Variants in BMP2 observed in about 807,000 individuals in gnomAD.
The protein encoded by BMP2 is bone morphogenetic protein 2A.
BMP2 carries 2 observed loss-of-function variants against 28.8 expected under a neutral mutation model. That is an observed-to-expected ratio of 0.07 (90% confidence interval 0.03 to 0.22). The LOEUF (loss-of-function observed/expected upper bound fraction) is 0.22. Ranked by LOEUF, BMP2 falls within the 10% of genes least tolerant of loss-of-function variation. BMP2 has a pLI of 1.00. For synonymous variants in BMP2, 218 were observed against 204.3 expected (o/e 1.07, Z -0.57); for missense variants, 437 against 517.7 (o/e 0.84, Z 1.51).
In BMP2 at chr20:6,779,310, C is replaced by A; in HGVS notation, c.*221C>A. The A allele has an allele frequency of 5.7e-6, 1 of 175,866 alleles. No homozygotes were observed. The highest frequency in any genetic ancestry group is 1.2e-5 in the Non-Finnish European group (1 of 85,344). The allele number at this position is 175,866 out of a possible 1,614,324, so 10.9% of individuals were successfully genotyped here. A position where few individuals can be genotyped will look rare whatever the true frequency, so the allele number is the denominator to read the frequency against. ...CAAATATTTTAATCAGAGAATTATTCCTTAAAGATTTAAAATGTATTTAGT... is the reference window on the plus strand; with the variant it reads ...CAAATATTTTAATCAGAGAATTATTACTTAAAGATTTAAAATGTATTTAGT... On this transcript the variant is annotated 3_prime_UTR_variant, in exon 3 of 3. Coordinates refer to ENST00000378827, the MANE Select transcript of BMP2 (RefSeq NM_001200.4).
At chr20:6,777,970 A>T (rs897437970) in intron 2 of BMP2, among the ~76,000 whole-genome samples, 1 of 151,970 alleles carries the variant, frequency 6.6e-6, no homozygotes, top group Admixed American at 6.6e-5. Flanking sequence ...TGGAAGCAGT[A>T]TTCATGTATT....
chr20:6,777,384 T>A (rs1299955179), intron 2 of BMP2, among the ~76,000 whole-genome samples: 1 of 152,052 alleles, frequency 6.6e-6, no homozygotes, highest in Non-Finnish European at 1.5e-5. Flanking sequence ...TCCTGCACAC[T>A]ATTACTGGGT....
At position 6,779,126 on chromosome 20, in the gene BMP2, AT is replaced by A; in HGVS notation, c.*38del. 5.0e-6 allele frequency: 5 copies of A among 995,616 alleles called. No individual in the cohort carries two copies. Among genetic ancestry groups the A allele is most frequent in the Non-Finnish European group, 6.4e-6 (5 of 785,560 alleles). The allele number at this position is 995,616 out of a possible 1,614,324, so 61.7% of individuals were successfully genotyped here. ...TAAATACATAAATATATATATATAT[AT>A]ATATTTTAGAAAAAAGAAAAAAACA... On this transcript the variant is annotated 3_prime_UTR_variant, in exon 3 of 3. Transcript: ENST00000378827.
rs2122369249 is a variant in BMP2, at chr20:6,767,796, G to C, written c.-1087G>C. 1 of 300,182 alleles carries C rather than the reference G, an allele frequency of 3.3e-6. No individual in the cohort carries two copies. The highest frequency in any genetic ancestry group is 6.1e-6 in the Non-Finnish European group (1 of 164,084). 18.6% of individuals were successfully genotyped at this position (300,182 alleles called of 1,614,324 possible). On this transcript the variant is annotated 5_prime_UTR_variant, in exon 1 of 3. Transcript: ENST00000378827. ...ACCCCGCCGGGGACTGGCAGCCGCC[G>C]CCGCACATCTGCCGCCACAGCCTCC...
chr20:6,770,563 T>C, intron 2 of BMP2, 91 bp downstream of exon 2: 1 of 1,288,992 alleles, frequency 7.8e-7, no homozygotes, highest in South Asian at 1.5e-5. Context: ...AGAGGCAGCT[T>C]GGCCGGGGCA....
chr20:6,779,582 T>C lies in BMP2; in HGVS notation c.*493T>C, dbSNP rs1170198021. 2.0e-5 allele frequency: 3 copies of C among 152,656 alleles called. No individual in the cohort carries two copies. The highest frequency in any genetic ancestry group is 2.9e-5 in the Non-Finnish European group (2 of 68,050). The allele number at this position is 152,656 out of a possible 1,614,324, so 9.5% of individuals were successfully genotyped here. ...CAAAGTGCTTAGCACGTTTGCTTTT[T>C]TGCAGTGCTACTGTTGAGTTCACAA... On this transcript the variant is annotated 3_prime_UTR_variant, in exon 3 of 3. Transcript: ENST00000378827.
rs903058481 is a variant in BMP2, at chr20:6,779,807, A to G, written c.*718A>G. On this transcript the variant is annotated 3_prime_UTR_variant, in exon 3 of 3. Transcript: ENST00000378827. ...TCCTCCTGCCCCTTAATTTACAGAA[A>G]GAATAAAGCAGGATCCATAGAAATA... The G allele has an allele frequency of 6.6e-6, 1 of 152,440 alleles. No individual in the cohort carries two copies. The highest frequency in any genetic ancestry group is 2.4e-5 in the African/African-American group (1 of 41,468). The allele number at this position is 152,440 out of a possible 1,614,324, so 9.4% of individuals were successfully genotyped here. A position where few individuals can be genotyped will look rare whatever the true frequency, so the allele number is the denominator to read the frequency against.
chr20:6,777,901 C>A, intron 2 of BMP2, among the ~76,000 whole-genome samples: 1 of 149,526 alleles, frequency 6.7e-6, no homozygotes, highest in Non-Finnish European at 1.5e-5. Flanking sequence ...TTTTTTTTTA[C>A]CCTAAAGTCT....
chr20:6,770,083 G>T (rs778847394), intron 1 of BMP2, 37 bp from the exon 2 acceptor site: 1 of 1,493,132 alleles, frequency 6.7e-7, no homozygotes, highest in Non-Finnish European at 8.9e-7. Flanking sequence ...AGGACTGGGC[G>T]GGGAACTCGG....
chr20:6,779,167 C>A lies in BMP2; in HGVS notation c.*78C>A. The A allele has an allele frequency of 1.4e-6, 1 of 705,644 alleles. No homozygotes were observed. The highest frequency in any genetic ancestry group is 1.9e-6 in the Non-Finnish European group (1 of 536,026). 43.7% of individuals were successfully genotyped at this position (705,644 alleles called of 1,614,324 possible). ...AGAAAAAAACAAACAAACAAAAAAA[C>A]CCCACCCCAGTTGACACTTTAATAT... On this transcript the variant is annotated 3_prime_UTR_variant, in exon 3 of 3. Coordinates refer to ENST00000378827, the MANE Select transcript of BMP2 (RefSeq NM_001200.4).
At chr20:6,775,506 T>C (rs1344267890) in intron 2 of BMP2, among the ~76,000 whole-genome samples, 1 of 152,146 alleles carries the variant, frequency 6.6e-6, no homozygotes, top group East Asian at 1.9e-4. Flanking sequence ...GTATCGCCTA[T>C]TATTATTTGC....
chr20:6,772,980 G>T (rs1013892046), intron 2 of BMP2, among the ~76,000 whole-genome samples: 1 of 152,110 alleles, frequency 6.6e-6, no homozygotes, highest in African/African-American at 2.4e-5. Context: ...AGTGTTTTGT[G>T]TATTGCTGTA....
rs547621435 is a variant in BMP2 at position 6,779,227 on chromosome 20, GA to G, written c.*147del. The G allele has an allele frequency of 9.3e-5, 27 of 291,730 alleles. No homozygotes were observed. Among genetic ancestry groups the G allele is most frequent in the South Asian group, 3.1e-4 (2 of 6,532 alleles). 18.1% of individuals were successfully genotyped at this position (291,730 alleles called of 1,614,324 possible). The stretch of plus-strand genomic sequence containing the variant: ...AAGACTTTATTTATGGAATGGAATG[GA>G]AAAAAAAACAGCTATTTTGAAAATA... On this transcript the variant is annotated 3_prime_UTR_variant, in exon 3 of 3. Transcript: ENST00000378827.
chr20:6,770,012 G>A, intron 1 of BMP2, 108 bp from the exon 2 acceptor site: 2 of 1,164,144 alleles, frequency 1.7e-6, no homozygotes, highest in Non-Finnish European at 2.4e-6. Context: ...AAGCCAGGAG[G>A]GCATCCTGGA....
chr20:6,769,682 A>G (rs1986348358), intron 1 of BMP2, among the ~76,000 whole-genome samples: 1 of 150,856 alleles, frequency 6.6e-6, no homozygotes, highest in Non-Finnish European at 1.5e-5. Flanking sequence ...TAAGGAAGTC[A>G]CATGCACCAT....
In BMP2 at chr20:6,767,709, C is replaced by G. The variant is rs1368087586; in HGVS notation, c.-1174C>G. On this transcript the variant is annotated 5_prime_UTR_variant, in exon 1 of 3. Transcript: ENST00000378827. ...GCGCCGCCGCCGCCGTCGCCGCCGC[C>G]GGAGTCCTCGCCCCGCCGCGCTGCG... is the stretch of plus-strand genomic sequence containing the variant. The G allele has an allele frequency of 1.3e-5, 2 of 153,704 alleles. No individual in the cohort carries two copies. Among genetic ancestry groups the G allele is most frequent in the Non-Finnish European group, 2.9e-5 (2 of 69,806 alleles). 9.5% of individuals were successfully genotyped at this position (153,704 alleles called of 1,614,324 possible).
Position 6,768,746 on chromosome 20 carries a change from G to T in BMP2, c.-137G>T. ...CTGCGCGGCCGGCACCCGGGAGAAG[G>T]AGGAGGCAAAGAAAAGGAACGGACA... On this transcript the variant is annotated 5_prime_UTR_variant, in exon 1 of 3. Coordinates refer to ENST00000378827, the MANE Select transcript of BMP2 (RefSeq NM_001200.4). The T allele has an allele frequency of 2.5e-6, 1 of 398,332 alleles. No individual in the cohort carries two copies. The allele number at this position is 398,332 out of a possible 1,614,324, so 24.7% of individuals were successfully genotyped here. A position where few individuals can be genotyped will look rare whatever the true frequency, so the allele number is the denominator to read the frequency against.
At chr20:6,771,187 T>G (rs540096980) in intron 2 of BMP2, among the ~76,000 whole-genome samples, 133 of 129,300 alleles carry the variant, frequency 1.0e-3, no homozygotes, top group African/African-American at 3.8e-3. Context: ...CACCGAAATG[T>G]GGATTTTTTT....
intron 2 of BMP2, among the ~76,000 whole-genome samples, chr20:6,773,459 C>A (rs1986438821): frequency 6.6e-6 from 1 of 152,202 alleles, no homozygotes; most frequent in African/African-American, 2.4e-5. Context: ...ACTTCCTTGG[C>A]ACTGACATTT....
Sources: allele counts gnomAD v4.1 joint callset (sites outside exome capture counted in the v4.1 genomes callset), GRCh38; gene constraint gnomAD v4.1.1; transcripts MANE v1.5; gene names NCBI Gene and HGNC (gene_info 2026-07-23, HGNC 2026-07-21).